KHDRBS3: variants seen among roughly 807,000 people sequenced by gnomAD.
KHDRBS3 encodes KH RNA binding domain containing, signal transduction associated 3.
KHDRBS3 carries 23 observed loss-of-function variants against 45.6 expected under a neutral mutation model. That is an observed-to-expected ratio of 0.50 (90% CI 0.36 to 0.72). The LOEUF (loss-of-function observed/expected upper bound fraction) is 0.72. Among genes scored for constraint, KHDRBS3 ranks in the 30% least tolerant of loss-of-function variants. The probability of loss-of-function intolerance (pLI) is 0.00; values close to 1 mark genes in which losing one functional copy is unlikely to be tolerated. For synonymous variants in KHDRBS3, 162 were observed against 156.5 expected (o/e 1.04, Z -0.26); for missense variants, 352 against 424.8 (o/e 0.83, Z 1.51).
At chr8:135,644,026 T>G (rs1831180139) in intron 7 of KHDRBS3, among the ~76,000 whole-genome samples, 1 of 152,178 alleles carries the variant, frequency 6.6e-6, no homozygotes, top group South Asian at 2.1e-4. Context: ...TTTATTTCCA[T>G]GACAGTCTAA....
chr8:135,537,927 A>C (rs887229492), intron 2 of KHDRBS3, among the ~76,000 whole-genome samples: 1 of 152,178 alleles, frequency 6.6e-6, no homozygotes, highest in African/African-American at 2.4e-5. Context: ...AAAAATCAGG[A>C]CATGGATAAG....
chr8:135,646,869 C>T, intron 8 of KHDRBS3, 124 bp from the exon 9 acceptor site: 1 of 573,312 alleles, frequency 1.7e-6, no homozygotes, highest in South Asian at 2.4e-5. Flanking sequence ...CTTTTCAGTA[C>T]ACCAGGGGTA....
At chr8:135,604,022 T>A (rs753027581) in intron 6 of KHDRBS3, among the ~76,000 whole-genome samples, 52 of 152,096 alleles carry the variant, frequency 3.4e-4, no homozygotes, top group Non-Finnish European at 7.1e-4. Flanking sequence ...ACCCAACTAT[T>A]ATTGTTGAAT....
At chr8:135,521,205 T>C (rs757664241) in intron 1 of KHDRBS3, 32 bp from the exon 2 acceptor site, 2 of 1,363,862 alleles carry the variant, frequency 1.5e-6, no homozygotes, top group African/African-American at 2.9e-5. Flanking sequence ...TTCTGAGTCA[T>C]ACACTTCATG....
At chr8:135,505,615 T>C (rs2130540301) in intron 1 of KHDRBS3, among the ~76,000 whole-genome samples, 1 of 152,206 alleles carries the variant, frequency 6.6e-6, no homozygotes, top group South Asian at 2.1e-4. Flanking sequence ...TGGGGAGTAC[T>C]GAAGTGATAC....
chr8:135,466,677 A>G (rs541153017), intron 1 of KHDRBS3, among the ~76,000 whole-genome samples: 1 of 152,322 alleles, frequency 6.6e-6, no homozygotes, highest in East Asian at 1.9e-4. Flanking sequence ...CCTTCTGTTT[A>G]CTGACTTGAG....
intron 6 of KHDRBS3, among the ~76,000 whole-genome samples, chr8:135,597,433 C>CTGAAAT (rs1829020206): frequency 6.6e-6 from 1 of 152,134 alleles, no homozygotes; most frequent in South Asian, 2.1e-4. Context: ...TTCATTCTAT[C>CTGAAAT]TGAAATTCTC....
intron 6 of KHDRBS3, 125 bp downstream of exon 6, chr8:135,582,198 C>A: frequency 1.0e-6 from 1 of 952,512 alleles, no homozygotes; most frequent in Non-Finnish European, 1.4e-6. Context: ...TACTTTGTTT[C>A]AGCAAATATT....
At chr8:135,640,799 A>G (rs992397379) in intron 7 of KHDRBS3, among the ~76,000 whole-genome samples, 3 of 152,148 alleles carry the variant, frequency 2.0e-5, no homozygotes, top group African/African-American at 7.2e-5. Context: ...CTTGCCTGTT[A>G]TCAATATGAA....
chr8:135,606,844 G>T, intron 6 of KHDRBS3, 111 bp from the exon 7 acceptor site: 1 of 738,590 alleles, frequency 1.4e-6, no homozygotes, highest in South Asian at 2.0e-5. Context: ...ACTATAAGTA[G>T]ACATATAATT....
chr8:135,548,961 T>C (rs1224671402), intron 4 of KHDRBS3, 61 bp downstream of exon 4: 4 of 1,225,586 alleles, frequency 3.3e-6, no homozygotes, highest in Non-Finnish European at 4.5e-6. Context: ...TAATCCTTGA[T>C]ACTTCTTGTC....
chr8:135,648,971 C>T (rs763334147), downstream of KHDRBS3, among the ~76,000 whole-genome samples: 17 of 151,914 alleles, frequency 1.1e-4, no homozygotes, highest in South Asian at 1.7e-3. Flanking sequence ...TTTCTATGTG[C>T]GTGCATAGGC....
intron 7 of KHDRBS3, among the ~76,000 whole-genome samples, chr8:135,616,228 C>G (rs1349764762): frequency 6.6e-6 from 1 of 152,184 alleles, no homozygotes; most frequent in Non-Finnish European, 1.5e-5. Context: ...TTGAGCTTGA[C>G]CAAAGTCACA....
At chr8:135,462,876 A>T (rs1414449248) in intron 1 of KHDRBS3, among the ~76,000 whole-genome samples, 3 of 152,194 alleles carry the variant, frequency 2.0e-5, no homozygotes, top group African/African-American at 7.2e-5. Context: ...CCAACCTGTG[A>T]TGGTATAATT....
chr8:135,647,332 T>G lies in KHDRBS3; in HGVS notation c.*248T>G. On this transcript the variant is annotated 3_prime_UTR_variant, in exon 9 of 9. Coordinates refer to ENST00000355849, the MANE Select transcript of KHDRBS3 (RefSeq NM_006558.3). Reference sequence around the variant, plus strand: ...TCATCAAAAGGAAAAAAAATAACTTTGATTAACTAGTGTTAAACAAAAAAT... The same window carrying G: ...TCATCAAAAGGAAAAAAAATAACTTGGATTAACTAGTGTTAAACAAAAAAT... The G allele has an allele frequency of 3.2e-6, 1 of 308,040 alleles. No individual in the cohort carries two copies. 19.1% of individuals were successfully genotyped at this position (308,040 alleles called of 1,614,324 possible).
At chr8:135,637,528 GA>G (rs1830865008) in intron 7 of KHDRBS3, among the ~76,000 whole-genome samples, 1 of 152,100 alleles carries the variant, frequency 6.6e-6, no homozygotes, top group Non-Finnish European at 1.5e-5. Flanking sequence ...AAATAATCAA[GA>G]AAAATTTTTG....
At chr8:135,578,900 A>G (rs1448303654) in intron 5 of KHDRBS3, among the ~76,000 whole-genome samples, 2 of 152,166 alleles carry the variant, frequency 1.3e-5, no homozygotes, top group Non-Finnish European at 2.9e-5. Context: ...CTACATAGGA[A>G]TACTGTACAT....
chr8:135,604,070 A>G lies in KHDRBS3; in HGVS notation c.808-2885A>G, dbSNP rs182577935. ...CCTTTAATTCTGGTAGTTTTGCTTC[A>G]TGTATTTTGAAGCTCTATTGTTACA... On this transcript the variant is annotated intron_variant, in intron 6 of 8. Coordinates refer to ENST00000355849, the MANE Select transcript of KHDRBS3 (RefSeq NM_006558.3). 1.1e-4 allele frequency among the ~76,000 whole-genome samples: 16 copies of G among 151,798 alleles called. No individual in the cohort carries two copies. In the East Asian group the frequency reaches 1.9e-3, roughly 18 times the overall value.
intron 7 of KHDRBS3, among the ~76,000 whole-genome samples, chr8:135,622,834 A>C (rs1436430477): frequency 6.6e-6 from 1 of 152,220 alleles, no homozygotes. Context: ...GGAATCAAAA[A>C]CAGAAATACA....
Sources: allele counts gnomAD v4.1 joint callset (sites outside exome capture counted in the v4.1 genomes callset), GRCh38; gene constraint gnomAD v4.1.1; transcripts MANE v1.5; gene names NCBI Gene and HGNC (gene_info 2026-07-23, HGNC 2026-07-21).